Variants in PLXNA4 observed in about 807,000 individuals in gnomAD.
PLXNA4 encodes the protein plexin-A4.
PLXNA4 carries 44 observed loss-of-function variants against 191.8 expected under a neutral mutation model. The observed-to-expected ratio is 0.23, with a 90% CI of 0.18 to 0.29. The LOEUF (loss-of-function observed/expected upper bound fraction) is 0.29, where lower values mean the gene tolerates loss of function less well. PLXNA4 is among the 10% of genes least tolerant of loss of function. The probability of loss-of-function intolerance (pLI) is 1.00; values close to 1 mark genes in which losing one functional copy is unlikely to be tolerated. For missense variants in PLXNA4, 1,800 were observed against 2,488.8 expected (o/e 0.72, Z 5.89); for synonymous variants, 1,082 against 1,009.5 (o/e 1.07, Z -1.36).
At chr7:132,602,893 G>A (rs764499278) in intron 2 of PLXNA4, among the ~76,000 whole-genome samples, 3 of 151,734 alleles carry the variant, frequency 2.0e-5, no homozygotes, top group South Asian at 2.1e-4. Flanking sequence ...TAATGCCATC[G>A]GGAAGTGTTA....
intron 25 of PLXNA4, among the ~76,000 whole-genome samples, chr7:132,154,734 G>A (rs1453181914): frequency 6.6e-6 from 1 of 152,158 alleles, no homozygotes; most frequent in Non-Finnish European, 1.5e-5. Context: ...GGTGTCAGTG[G>A]GAAGGAGGGA....
intron 3 of PLXNA4, among the ~76,000 whole-genome samples, chr7:132,436,189 C>G (rs1467536051): frequency 6.6e-6 from 1 of 152,212 alleles, no homozygotes; most frequent in Non-Finnish European, 1.5e-5. Flanking sequence ...AGGCTGCACT[C>G]TCCTTCTTCC....
intron 21 of PLXNA4, among the ~76,000 whole-genome samples, 165 bp from the exon 22 acceptor site, chr7:132,168,737 T>C (rs1191473049): frequency 6.6e-6 from 1 of 152,206 alleles, no homozygotes; most frequent in Non-Finnish European, 1.5e-5. Flanking sequence ...AAGTATCTGA[T>C]TAACCTCCAT....
chr7:132,327,173 A>AAAAAAAAAAAAAAAGAAAAAAG (rs373719875), intron 3 of PLXNA4, among the ~76,000 whole-genome samples: 1 of 133,858 alleles, frequency 7.5e-6, no homozygotes, highest in Non-Finnish European at 1.7e-5. Flanking sequence ...GGAAGGCAAA[A>AAAAAAAAAAAAAAAGAAAAAAG]AAAAAAGAAA....
chr7:132,337,213 C>A (rs1389594153), intron 3 of PLXNA4, among the ~76,000 whole-genome samples: 1 of 152,174 alleles, frequency 6.6e-6, no homozygotes, highest in Non-Finnish European at 1.5e-5. Flanking sequence ...ATGGCATGAG[C>A]CAAAATAGAA....
At chr7:132,243,906 T>A (rs1798963038) in intron 4 of PLXNA4, among the ~76,000 whole-genome samples, 1 of 152,138 alleles carries the variant, frequency 6.6e-6, no homozygotes, top group Non-Finnish European at 1.5e-5. Context: ...AGAACTTTTT[T>A]TTTTTAGTAC....
chr7:132,282,610 G>GAAAA lies in PLXNA4; in HGVS notation c.1503+15477_1503+15480dup, dbSNP rs771817796. On this transcript the variant is annotated intron_variant, in intron 4 of 31. Transcript: ENST00000321063. ...GGTGATAGAGCCAGACCTTGTCTCA[G>GAAAA]AAAAAAAAAAAAAAAAAAAAAAAAA... Among the ~76,000 whole-genome samples the GAAAA allele has an allele frequency of 8.0e-4, 36 of 44,844 alleles. 7 individuals are homozygous for GAAAA. Among genetic ancestry groups the GAAAA allele is most frequent in the East Asian group, 1.8e-3 (2 of 1,094 alleles). The allele number at this position is 44,844 out of a possible 152,430, so 29.4% of individuals were successfully genotyped here. A position where few individuals can be genotyped will look rare whatever the true frequency, so the allele number is the denominator to read the frequency against.
chr7:132,513,025 C>T (rs78455662), intron 1 of PLXNA4, among the ~76,000 whole-genome samples: 6,772 of 152,282 alleles, frequency 0.044, 216 homozygotes, highest in Non-Finnish European at 0.069. Flanking sequence ...AACTGAAAGA[C>T]CCCGTAACCC....
At chr7:132,490,869 C>T (rs1385633361) in intron 2 of PLXNA4, among the ~76,000 whole-genome samples, 1 of 152,168 alleles carries the variant, frequency 6.6e-6, no homozygotes, top group African/African-American at 2.4e-5. Context: ...GGGGCCAGTT[C>T]CCCCACTGTA....
rs542713728 is a variant in PLXNA4 at position 132,176,957 on chromosome 7, G to A, written c.3875-2037C>T. On this transcript the variant is annotated intron_variant, in intron 20 of 31. Coordinates refer to ENST00000321063, the MANE Select transcript of PLXNA4 (RefSeq NM_020911.2). Reference sequence around the variant, plus strand: ...ATGTGTGTGCACGCCTGCAAGTTGAGTGCGTGAGTGTATGAGTGTGCATGC... The same window carrying A: ...ATGTGTGTGCACGCCTGCAAGTTGAATGCGTGAGTGTATGAGTGTGCATGC... 3.9e-4 allele frequency among the ~76,000 whole-genome samples: 59 copies of A among 152,258 alleles called. 1 individual carries two copies. Among genetic ancestry groups the A allele is most frequent in the Admixed American group, 3.9e-3 (59 of 15,298 alleles).
intron 10 of PLXNA4, among the ~76,000 whole-genome samples, chr7:132,204,377 C>A (rs1166659825): frequency 3.3e-5 from 5 of 152,186 alleles, no homozygotes; most frequent in African/African-American, 1.2e-4. Flanking sequence ...ATTTCCAACC[C>A]CTACCTGGTG....
At chr7:132,439,418 C>T (rs1308744524) in intron 3 of PLXNA4, among the ~76,000 whole-genome samples, 1 of 152,202 alleles carries the variant, frequency 6.6e-6, no homozygotes, top group African/African-American at 2.4e-5. Context: ...CATGTATACA[C>T]ACAGGTACAC....
rs1794854502 is a variant in PLXNA4 at position 132,129,012 on chromosome 7, T to C, written c.*1467A>G. The stretch of plus-strand genomic sequence containing the variant: ...CCTCTGCTTACCTAGTATCAATTTC[T>C]AGGCACACATTTGCCTGCCTGGCTA... On this transcript the variant is annotated 3_prime_UTR_variant, in exon 32 of 32. Coordinates refer to ENST00000321063, the MANE Select transcript of PLXNA4 (RefSeq NM_020911.2). The C allele has an allele frequency of 6.6e-6, 1 of 152,270 alleles. No individual in the cohort carries two copies. 9.4% of individuals were successfully genotyped at this position (152,270 alleles called of 1,614,324 possible). A position where few individuals can be genotyped will look rare whatever the true frequency, so the allele number is the denominator to read the frequency against.
At chr7:132,450,911 A>G (rs1585153365) in intron 3 of PLXNA4, among the ~76,000 whole-genome samples, 1 of 152,322 alleles carries the variant, frequency 6.6e-6, no homozygotes, top group South Asian at 2.1e-4. Flanking sequence ...TTATGGCTCA[A>G]GGTCCTCTGC....
chr7:132,358,717 A>G (rs185422994), intron 3 of PLXNA4, among the ~76,000 whole-genome samples: 2 of 152,342 alleles, frequency 1.3e-5, no homozygotes, highest in Admixed American at 6.5e-5. Flanking sequence ...AACTTCTACA[A>G]GTGAGTATAT....
intron 3 of PLXNA4, among the ~76,000 whole-genome samples, chr7:132,348,088 C>G (rs1486360119): frequency 1.3e-5 from 2 of 152,128 alleles, no homozygotes; most frequent in African/African-American, 4.8e-5. Flanking sequence ...AGATATCAAC[C>G]TGGCCTTCCT....
chr7:132,348,759 A>T (rs2116788774), intron 3 of PLXNA4, among the ~76,000 whole-genome samples: 1 of 152,336 alleles, frequency 6.6e-6, no homozygotes, highest in African/African-American at 2.4e-5. Flanking sequence ...GTTTAGAAGT[A>T]TTTGGGCTAA....
At chr7:132,640,499 C>T (rs1803720153) in intron 2 of PLXNA4, among the ~76,000 whole-genome samples, 2 of 152,212 alleles carry the variant, frequency 1.3e-5, no homozygotes, top group East Asian at 1.9e-4. Flanking sequence ...AAGACCAGAG[C>T]TTGCTATCTC....
chr7:132,158,465 C>A (rs1276664315), intron 25 of PLXNA4, among the ~76,000 whole-genome samples: 1 of 152,178 alleles, frequency 6.6e-6, no homozygotes, highest in Non-Finnish European at 1.5e-5. Flanking sequence ...CCTCCATGGC[C>A]AGCATCAACA....
Sources: gnomAD v4.1 joint callset for allele counts (sites outside exome capture counted in the v4.1 genomes callset) on GRCh38, gnomAD v4.1.1 for gene constraint, MANE v1.5 for transcripts, NCBI Gene and HGNC (gene_info 2026-07-23, HGNC 2026-07-21) for gene names.